Variants in CFAP54 observed in about 807,000 individuals in gnomAD.
CFAP54 encodes the protein cilia- and flagella-associated protein 54.
A neutral mutation model predicts 370.4 loss-of-function variants in CFAP54; 290 were observed. The observed-to-expected ratio is 0.78, with a 90% CI of 0.71 to 0.86. The LOEUF (loss-of-function observed/expected upper bound fraction) is 0.86. Among genes scored for constraint, CFAP54 ranks in the 40% least tolerant of loss-of-function variants. CFAP54 has a pLI of 0.00. For missense variants in CFAP54, 3,399 were observed against 3,528.7 expected, an observed-to-expected ratio of 0.96 and a Z score of 0.93; for synonymous variants, 1,206 against 1,236.5, an observed-to-expected ratio of 0.98 and a Z score of 0.52.
At chr12:96,523,753 C>T (rs1360619639) in intron 8 of CFAP54, among the ~76,000 whole-genome samples, 1 of 151,860 alleles carries the variant, frequency 6.6e-6, no homozygotes, top group Non-Finnish European at 1.5e-5. Flanking sequence ...TCCAAAGTTG[C>T]AAGACTGTTG....
chr12:96,584,775 T>C (rs923154185), intron 22 of CFAP54, among the ~76,000 whole-genome samples: 1 of 152,210 alleles, frequency 6.6e-6, no homozygotes, highest in African/African-American at 2.4e-5. Flanking sequence ...GCCCTGGGAA[T>C]GCAGCAGAGT....
intron 50 of CFAP54, among the ~76,000 whole-genome samples, chr12:96,725,035 A>C (rs1211274814): frequency 6.6e-6 from 1 of 152,010 alleles, no homozygotes; most frequent in Non-Finnish European, 1.5e-5. Flanking sequence ...ATTGATCTAT[A>C]TCTCTGTTTT....
chr12:96,620,789 G>A lies in CFAP54; in HGVS notation c.3640-801G>A, dbSNP rs1367819734. ...TTCTGAAGTTGATGCTAGAGCCAAGGTTTTAATGGCAAGGTGAAGCTGTAT... is the reference window on the plus strand; with the variant it reads ...TTCTGAAGTTGATGCTAGAGCCAAGATTTTAATGGCAAGGTGAAGCTGTAT... On this transcript the variant is annotated intron_variant, in intron 26 of 67. Coordinates refer to ENST00000524981, the MANE Select transcript of CFAP54 (RefSeq NM_001306084.2). Among the ~76,000 whole-genome samples the A allele has an allele frequency of 2.0e-5, 3 of 152,218 alleles. No individual in the cohort carries two copies. In the East Asian group the frequency reaches 5.8e-4, roughly 29 times the overall value.
chr12:96,659,275 A>G (rs1033973132), intron 38 of CFAP54, among the ~76,000 whole-genome samples: 11 of 152,282 alleles, frequency 7.2e-5, no homozygotes, highest in Admixed American at 4.6e-4. Context: ...CTGGGATTAC[A>G]GGTGACTGCC....
At chr12:96,778,377 T>C (rs1326680292) in intron 60 of CFAP54, among the ~76,000 whole-genome samples, 1 of 152,342 alleles carries the variant, frequency 6.6e-6, no homozygotes, top group South Asian at 2.1e-4. Flanking sequence ...GCTCATCACA[T>C]ATAGGTTTAT....
intron 66 of CFAP54, among the ~76,000 whole-genome samples, chr12:96,843,020 C>G (rs1016995226): frequency 2.0e-5 from 3 of 152,182 alleles, no homozygotes; most frequent in Admixed American, 6.5e-5. Flanking sequence ...TCAGCATGAG[C>G]AGGATTTCTT....
At chr12:96,823,876 A>G (rs756545164) in intron 65 of CFAP54, among the ~76,000 whole-genome samples, 3 of 152,206 alleles carry the variant, frequency 2.0e-5, no homozygotes, top group African/African-American at 4.8e-5. Flanking sequence ...TGATTTGCCA[A>G]GATAATCATA....
intron 19 of CFAP54, among the ~76,000 whole-genome samples, chr12:96,567,064 G>C (rs370928600): frequency 6.6e-6 from 1 of 152,148 alleles, no homozygotes; most frequent in Non-Finnish European, 1.5e-5. Flanking sequence ...GAGAAATCAC[G>C]TGAAGTTGAG....
chr12:96,577,965 G>C (rs1013642739), intron 20 of CFAP54, among the ~76,000 whole-genome samples: 1 of 152,050 alleles, frequency 6.6e-6, no homozygotes, highest in African/African-American at 2.4e-5. Context: ...AGGAGGCTGA[G>C]GCAGGAGAAT....
Position 96,691,309 on chromosome 12 carries a change from TAGTA to T in CFAP54, c.6264+5_6264+8del, listed in dbSNP as rs765250288. On this transcript the variant is annotated splice_donor_variant and splice_donor_region_variant and coding_sequence_variant and intron_variant, in exon 44 of 68. Transcript: ENST00000524981. LOFTEE classifies it high-confidence loss of function. ...CTGCACTTTGTTAGGCAAAACCTAA[TAGTA>T]AGTAATTTGTAAAATAAAAATTATA... is the stretch of plus-strand genomic sequence containing the variant. 15 of 1,569,768 alleles carry T rather than the reference TAGTA, an allele frequency of 9.6e-6. No individual in the cohort carries two copies. The highest frequency in any genetic ancestry group is 1.3e-5 in the Non-Finnish European group (15 of 1,161,564).
intron 65 of CFAP54, among the ~76,000 whole-genome samples, chr12:96,826,757 A>T (rs1959113698): frequency 8.9e-6 from 1 of 112,534 alleles, no homozygotes; most frequent in African/African-American, 3.7e-5. Flanking sequence ...TATATAATAC[A>T]TATTAATATA....
chr12:96,691,166 A>G lies in CFAP54; in HGVS notation c.6120A>G (p.Glu2040=). The G allele has an allele frequency of 1.2e-6, 2 of 1,613,648 alleles. No individual in the cohort carries two copies. The highest frequency in any genetic ancestry group is 1.7e-6 in the Non-Finnish European group (2 of 1,179,744). Residue 2040 remains glutamate, a synonymous_variant, in exon 44 of 68, where the codon GAA becomes GAG. Transcript: ENST00000524981. ...CAACACTTCCACATCCCAAAGCTGA[A>G]CGTTGCTATGCTCAATATGAAATCA... ...LRTTLPHPKA[E]RCYAQYEITQ...
At chr12:96,754,299 C>A (rs971405072) in intron 56 of CFAP54, among the ~76,000 whole-genome samples, 1 of 152,282 alleles carries the variant, frequency 6.6e-6, no homozygotes, top group Non-Finnish European at 1.5e-5. Flanking sequence ...GATACATACT[C>A]ATTGAAATTA....
At chr12:96,615,585 A>G (rs1301455052) in intron 26 of CFAP54, among the ~76,000 whole-genome samples, 1 of 152,154 alleles carries the variant, frequency 6.6e-6, no homozygotes, top group Non-Finnish European at 1.5e-5. Context: ...AACCTACAGA[A>G]TGGGAGAAAA....
intron 60 of CFAP54, among the ~76,000 whole-genome samples, chr12:96,770,663 C>T (rs1296014146): frequency 6.6e-6 from 1 of 152,190 alleles, no homozygotes; most frequent in Non-Finnish European, 1.5e-5. Flanking sequence ...TCAGGAAGTG[C>T]CAGATAATAA....
intron 26 of CFAP54, among the ~76,000 whole-genome samples, chr12:96,612,723 A>T (rs1956372723): frequency 6.6e-6 from 1 of 152,148 alleles, no homozygotes; most frequent in Admixed American, 6.5e-5. Flanking sequence ...AAACATAAAA[A>T]GGAAGGAGTT....
chr12:96,493,809 CA>C (rs985609284), intron 1 of CFAP54, among the ~76,000 whole-genome samples: 6 of 150,666 alleles, frequency 4.0e-5, no homozygotes, highest in Non-Finnish European at 8.9e-5. Context: ...AACAAACAAA[CA>C]AAAAAACAAA....
intron 14 of CFAP54, among the ~76,000 whole-genome samples, chr12:96,544,464 T>C (rs1397198606): frequency 6.9e-6 from 1 of 145,104 alleles, no homozygotes; most frequent in Non-Finnish European, 1.5e-5. Flanking sequence ...TTTCCTCCTT[T>C]CTCCTGCTCC....
At position 96,691,172 on chromosome 12, in the gene CFAP54, C is replaced by T; in HGVS notation, c.6126C>T (p.Cys2042=). The change falls in exon 44 of 68, where the codon TGC becomes TGT. Residue 2042 remains cysteine (C), a synonymous_variant. Coordinates refer to ENST00000524981, the MANE Select transcript of CFAP54 (RefSeq NM_001306084.2). ...TTCCACATCCCAAAGCTGAACGTTG[C>T]TATGCTCAATATGAAATCACTCAGC... ...TTLPHPKAER[C]YAQYEITQLL... 6.2e-7 allele frequency: 1 copy of T among 1,613,552 alleles called. No individual in the cohort carries two copies. The highest frequency in any genetic ancestry group is 1.1e-5 in the South Asian group (1 of 91,024).
Sources: gnomAD v4.1 joint callset for allele counts (sites outside exome capture counted in the v4.1 genomes callset) on GRCh38, gnomAD v4.1.1 for gene constraint, MANE v1.5 for transcripts, NCBI Gene and HGNC (gene_info 2026-07-23, HGNC 2026-07-21) for gene names.